Variants in MYO3B observed in about 807,000 individuals in gnomAD.
MYO3B encodes the protein myosin IIIB, also known as myosin-IIIb.
In MYO3B, 156 loss-of-function variants were observed where a neutral mutation model predicts 174.6. The observed-to-expected ratio is 0.89, with a 90% CI of 0.78 to 1.02. The LOEUF (loss-of-function observed/expected upper bound fraction) is 1.02, where lower values mean the gene tolerates loss of function less well. MYO3B is among the 50% of genes least tolerant of loss of function. The pLI is 0.00. For synonymous variants in MYO3B, 563 were observed against 569.1 expected, an observed-to-expected ratio of 0.99 and a Z score of 0.15; for missense variants, 1,632 against 1,639.4, an observed-to-expected ratio of 1.00 and a Z score of 0.08.
intron 23 of MYO3B, among the ~76,000 whole-genome samples, chr2:170,458,974 T>C (rs776852503): frequency 6.6e-6 from 1 of 152,162 alleles, no homozygotes; most frequent in Non-Finnish European, 1.5e-5. Context: ...TTACAGTTCT[T>C]AAAGATGGTG....
rs545460870 is a variant in MYO3B, at chr2:170,653,759, T to G, written c.*638T>G. ...ACCCCTCTCTTGTTAATTATGATGC[T>G]GAGAAAGCCTCTGTCTCTTTATTTC... On this transcript the variant is annotated 3_prime_UTR_variant, in exon 35 of 35. Coordinates refer to ENST00000408978, the MANE Select transcript of MYO3B (RefSeq NM_138995.5). The G allele has an allele frequency of 6.6e-6, 1 of 152,378 alleles. No individual in the cohort carries two copies. Among genetic ancestry groups the G allele is most frequent in the South Asian group, 2.1e-4 (1 of 4,830 alleles). The allele number at this position is 152,378 out of a possible 1,614,324, so 9.4% of individuals were successfully genotyped here. A position where few individuals can be genotyped will look rare whatever the true frequency, so the allele number is the denominator to read the frequency against.
chr2:170,380,076 C>T (rs13425384), intron 9 of MYO3B, among the ~76,000 whole-genome samples: 93,857 of 151,832 alleles, frequency 0.62, 30,309 homozygotes, highest in Non-Finnish European at 0.72. Flanking sequence ...TGGTACTTAC[C>T]ATAAAACTTT....
At chr2:170,589,932 T>A (rs1223103896) in intron 32 of MYO3B, among the ~76,000 whole-genome samples, 1 of 152,234 alleles carries the variant, frequency 6.6e-6, no homozygotes, top group African/African-American at 2.4e-5. Context: ...CTATTTTTAC[T>A]GTGCCTTTTC....
chr2:170,375,929 A>G (rs67510921), intron 9 of MYO3B, among the ~76,000 whole-genome samples: 8,018 of 152,168 alleles, frequency 0.053, 238 homozygotes, highest in Non-Finnish European at 0.067. Flanking sequence ...ATCTATCTAT[A>G]CCTATATCTG....
At chr2:170,598,872 C>G (rs1694311085) in intron 32 of MYO3B, among the ~76,000 whole-genome samples, 1 of 152,194 alleles carries the variant, frequency 6.6e-6, no homozygotes, top group Non-Finnish European at 1.5e-5. Context: ...AGCTAAGAAT[C>G]TAGTACCTCG....
intron 32 of MYO3B, among the ~76,000 whole-genome samples, chr2:170,626,987 C>T (rs1034844051): frequency 5.3e-5 from 8 of 151,968 alleles, no homozygotes; most frequent in Non-Finnish European, 1.2e-4. Context: ...AACATTTTTT[C>T]CTTCATTTCA....
At chr2:170,617,118 C>T (rs184156869) in intron 32 of MYO3B, among the ~76,000 whole-genome samples, 2 of 152,256 alleles carry the variant, frequency 1.3e-5, no homozygotes, top group African/African-American at 2.4e-5. Context: ...ACAAAATGAA[C>T]AGTTTGAATA....
chr2:170,431,623 C>G (rs939444002), intron 22 of MYO3B, among the ~76,000 whole-genome samples: 5 of 152,146 alleles, frequency 3.3e-5, no homozygotes, highest in Non-Finnish European at 5.9e-5. Flanking sequence ...CCTTAAAATG[C>G]CAGACAATTA....
In MYO3B at chr2:170,498,705, T is replaced by C. The variant is rs1687038013; in HGVS notation, c.3126+2T>C. On this transcript the variant is annotated splice_donor_variant, in intron 26 of 34. Coordinates refer to ENST00000408978, the MANE Select transcript of MYO3B (RefSeq NM_138995.5). LOFTEE classifies it high-confidence loss of function. ...CACTGGGTACTGGGAAAAACAAAGGTAGTTCGTTCTTTATTGTTCAAATTG... is the reference window on the plus strand; with the variant it reads ...CACTGGGTACTGGGAAAAACAAAGGCAGTTCGTTCTTTATTGTTCAAATTG... 1 of 1,560,558 alleles carries C rather than the reference T, an allele frequency of 6.4e-7. No homozygotes were observed. Among genetic ancestry groups the C allele is most frequent in the Non-Finnish European group, 8.8e-7 (1 of 1,131,724 alleles).
rs768800061 is a variant in MYO3B, at chr2:170,514,929, TCAAAC to T, written c.3384_3388del (p.Asn1128LysfsTer26). ...TTTGTTTCATTCCACAGGGGACACT[TCAAAC>T]CAAAGCAGTGGGCCACATTCCCCCG... On this transcript the variant is annotated frameshift_variant, in exon 29 of 35. Coordinates refer to ENST00000408978, the MANE Select transcript of MYO3B (RefSeq NM_138995.5). LOFTEE classifies it high-confidence loss of function. 21 of 1,613,670 alleles carry T rather than the reference TCAAAC, an allele frequency of 1.3e-5. No individual in the cohort carries two copies. Among genetic ancestry groups the T allele is most frequent in the African/African-American group, 1.3e-5 (1 of 74,890 alleles).
At chr2:170,498,166 T>C (rs1687005847) in intron 25 of MYO3B, among the ~76,000 whole-genome samples, 1 of 152,172 alleles carries the variant, frequency 6.6e-6, no homozygotes, top group African/African-American at 2.4e-5. Flanking sequence ...TCACTTCTGC[T>C]ATCTACAAAT....
chr2:170,311,571 T>A (rs1224036976), intron 7 of MYO3B, among the ~76,000 whole-genome samples: 4 of 151,908 alleles, frequency 2.6e-5, no homozygotes, highest in African/African-American at 9.7e-5. Context: ...TCTTTTTACT[T>A]TCTTGGTGAT....
intron 7 of MYO3B, among the ~76,000 whole-genome samples, chr2:170,278,173 G>A (rs996303173): frequency 6.6e-6 from 1 of 152,108 alleles, no homozygotes; most frequent in Admixed American, 6.6e-5. Context: ...AAACAATATG[G>A]CGATAGTGAC....
chr2:170,460,572 C>T (rs755214448), intron 23 of MYO3B, among the ~76,000 whole-genome samples: 2 of 147,868 alleles, frequency 1.4e-5, no homozygotes, highest in African/African-American at 2.5e-5. Flanking sequence ...TACAGATAAG[C>T]ATTAGCATTT....
At chr2:170,290,011 TC>T (rs1344594423) in intron 7 of MYO3B, among the ~76,000 whole-genome samples, 1 of 152,148 alleles carries the variant, frequency 6.6e-6, no homozygotes, top group African/African-American at 2.4e-5. Context: ...TTTCCAAAGT[TC>T]CTCCTGTTAC....
chr2:170,369,354 T>C lies in MYO3B; in HGVS notation c.948T>C (p.His316=), dbSNP rs769109759. The C allele has an allele frequency of 1.3e-5, 21 of 1,613,286 alleles. No homozygotes were observed. The highest frequency in any genetic ancestry group is 1.4e-5 in the Non-Finnish European group (17 of 1,179,390). Residue 316 remains histidine (H), a synonymous_variant, in exon 9 of 35, where the codon CAT becomes CAC. Transcript: ENST00000408978. The part of the protein sequence containing the change: ...QLAKVLQDQK[H]QNPVAKTRHE... ...CCAAGGTTCTCCAAGACCAGAAGCA[T>C]CAAAATCCTGTTGCTAAAACCAGGT...
rs779721629 is a variant in MYO3B at position 170,654,049 on chromosome 2, G to C, written c.*928G>C. On this transcript the variant is annotated 3_prime_UTR_variant, in exon 35 of 35. Transcript: ENST00000408978. ...AGAATACATGGAGAAACTTAACTAA[G>C]TTACACAAGCATATCTGACAGGAAT... 6.6e-6 allele frequency: 1 copy of C among 152,118 alleles called. No individual in the cohort carries two copies. The highest frequency in any genetic ancestry group is 2.4e-5 in the African/African-American group (1 of 41,414). The allele number at this position is 152,118 out of a possible 1,614,324, so 9.4% of individuals were successfully genotyped here.
At chr2:170,281,942 A>G (rs774845894) in intron 7 of MYO3B, among the ~76,000 whole-genome samples, 1 of 152,068 alleles carries the variant, frequency 6.6e-6, no homozygotes, top group Non-Finnish European at 1.5e-5. Flanking sequence ...AAATACCTCT[A>G]TGCCCACTTT....
intron 11 of MYO3B, 63 bp downstream of exon 11, chr2:170,383,252 G>A: frequency 9.2e-6 from 9 of 980,094 alleles, no homozygotes; most frequent in Non-Finnish European, 1.4e-5. Flanking sequence ...AAGGGCAAAT[G>A]AAGAGAAAGA....
Sources: gnomAD v4.1 joint callset for allele counts (sites outside exome capture counted in the v4.1 genomes callset) on GRCh38, gnomAD v4.1.1 for gene constraint, MANE v1.5 for transcripts, NCBI Gene and HGNC (gene_info 2026-07-23, HGNC 2026-07-21) for gene names.